The following TSPAN14 variants were observed in gnomAD, a reference collection of about 807,000 sequenced individuals.
TSPAN14 encodes tetraspanin 14, also known as tetraspanin-14.
A neutral mutation model predicts 36.6 loss-of-function variants in TSPAN14; 16 were observed. That is an observed-to-expected ratio of 0.44 (90% CI 0.30 to 0.66). TSPAN14 has a LOEUF of 0.66. Ranked by LOEUF, TSPAN14 falls within the 30% of genes least tolerant of loss-of-function variation. The probability of loss-of-function intolerance (pLI) is 0.12; values close to 1 mark genes in which losing one functional copy is unlikely to be tolerated. For missense variants in TSPAN14, 231 were observed against 355.1 expected, an observed-to-expected ratio of 0.65 and a Z score of 2.81; for synonymous variants, 139 against 143.8, an observed-to-expected ratio of 0.97 and a Z score of 0.24.
chr10:80,467,672 C>T (rs930239211), intron 1 of TSPAN14, among the ~76,000 whole-genome samples: 3 of 152,162 alleles, frequency 2.0e-5, no homozygotes, highest in Non-Finnish European at 2.9e-5. Context: ...CCCCTCTTTT[C>T]CTGGGCATTT....
intron 1 of TSPAN14, chr10:80,468,447 C>T (rs1846358903): frequency 6.6e-6 from 1 of 152,190 alleles, no homozygotes; most frequent in Non-Finnish European, 1.5e-5. Flanking sequence ...AAGCATTCCT[C>T]CAGGGAAGCT....
intron 8 of TSPAN14, 99 bp from the exon 9 acceptor site, chr10:80,517,806 A>T: frequency 8.8e-7 from 1 of 1,138,848 alleles, no homozygotes; most frequent in South Asian, 1.3e-5. Flanking sequence ...GGGGGTGAGG[A>T]GAGGCGTGCA....
exon 9 of TSPAN14, chr10:80,520,878 C>T: frequency 1.9e-6 from 1 of 520,306 alleles, no homozygotes; most frequent in South Asian, 1.4e-5. Context: ...TTCAGAGGCC[C>T]AGGCTCGCCA....
chr10:80,498,954 T>A (rs1379750515), intron 2 of TSPAN14, among the ~76,000 whole-genome samples: 1 of 152,058 alleles, frequency 6.6e-6, no homozygotes, highest in East Asian at 1.9e-4. Flanking sequence ...TCAGGCTGAG[T>A]CAGCGTGTGG....
chr10:80,491,342 C>T (rs943164523), intron 2 of TSPAN14, among the ~76,000 whole-genome samples: 1 of 152,192 alleles, frequency 6.6e-6, no homozygotes, highest in Non-Finnish European at 1.5e-5. Flanking sequence ...GGAGAGCCCT[C>T]TGGCCTTACC....
chr10:80,468,028 C>T (rs1846337078), intron 1 of TSPAN14, among the ~76,000 whole-genome samples: 1 of 152,242 alleles, frequency 6.6e-6, no homozygotes, highest in Non-Finnish European at 1.5e-5. Context: ...CCCCATTCCT[C>T]TTCTTTGGGG....
At chr10:80,485,217 T>TA (rs1317548013) in intron 1 of TSPAN14, among the ~76,000 whole-genome samples, 1 of 151,600 alleles carries the variant, frequency 6.6e-6, no homozygotes, top group African/African-American at 2.4e-5. Context: ...GTGTGTAAGA[T>TA]AAAGAGTGTT....
chr10:80,481,544 G>T (rs1847275361), intron 1 of TSPAN14, among the ~76,000 whole-genome samples: 1 of 152,214 alleles, frequency 6.6e-6, no homozygotes, highest in South Asian at 2.1e-4. Context: ...TTAGTGGAGA[G>T]ATTGGAAAGG....
At chr10:80,487,197 C>T (rs1054316016) in intron 1 of TSPAN14, among the ~76,000 whole-genome samples, 2 of 152,184 alleles carry the variant, frequency 1.3e-5, no homozygotes, top group African/African-American at 4.8e-5. Context: ...CCGTGTGCTG[C>T]ACCACAGCTC....
chr10:80,469,124 G>A (rs1846398928), intron 1 of TSPAN14, among the ~76,000 whole-genome samples: 1 of 151,766 alleles, frequency 6.6e-6, no homozygotes, highest in African/African-American at 2.4e-5. Flanking sequence ...CCAGAGCCCT[G>A]CTGGTGAGGT....
chr10:80,482,129 A>G (rs1011734216), intron 1 of TSPAN14, among the ~76,000 whole-genome samples: 5 of 152,208 alleles, frequency 3.3e-5, no homozygotes, highest in African/African-American at 1.2e-4. Context: ...TCACCTAGAA[A>G]GGGAAAACCT....
At chr10:80,518,556 T>C (rs898098101) in exon 9 of TSPAN14, 2 of 157,120 alleles carry the variant, frequency 1.3e-5, no homozygotes, top group African/African-American at 4.8e-5. Flanking sequence ...TCCTCAGCCA[T>C]GTTCAAGTGA....
chr10:80,473,606 TG>T lies in TSPAN14; in HGVS notation c.-17-15610del, dbSNP rs896218396. ...GGAGGGGATCCAGCCCCCCTGACGT[TG>T]TGCAGCTGTGTAGTGACTTCCCACA... On this transcript the variant is annotated intron_variant, in intron 1 of 8. Transcript: ENST00000429989. Among the ~76,000 whole-genome samples the T allele has an allele frequency of 4.4e-4, 67 of 152,008 alleles. 1 individual carries two copies. The highest frequency in any genetic ancestry group is 2.7e-3 in the Admixed American group (41 of 15,288).
chr10:80,491,260 C>G (rs968608484), intron 2 of TSPAN14, among the ~76,000 whole-genome samples: 1 of 152,164 alleles, frequency 6.6e-6, no homozygotes, highest in Non-Finnish European at 1.5e-5. Flanking sequence ...GCCTCTGGGT[C>G]CCTCTTAATG....
chr10:80,468,988 G>A (rs1299469408), intron 1 of TSPAN14, among the ~76,000 whole-genome samples: 2 of 152,106 alleles, frequency 1.3e-5, no homozygotes, highest in Non-Finnish European at 2.9e-5. Context: ...TAAAGTTGTC[G>A]ACTTTAAACA....
At chr10:80,485,559 T>TG (rs1847540516) in intron 1 of TSPAN14, 1 of 869,184 alleles carries the variant, frequency 1.2e-6, no homozygotes, top group African/African-American at 1.8e-5. Flanking sequence ...TAGGAGGATG[T>TG]GGCTTAGGCT....
At chr10:80,457,138 G>A (rs914242837) in intron 1 of TSPAN14, among the ~76,000 whole-genome samples, 2 of 152,136 alleles carry the variant, frequency 1.3e-5, no homozygotes, top group Non-Finnish European at 2.9e-5. Flanking sequence ...CTGTGGTCCC[G>A]AGAGGTCACA....
intron 1 of TSPAN14, among the ~76,000 whole-genome samples, chr10:80,478,577 A>G (rs1847057824): frequency 1.3e-5 from 2 of 152,226 alleles, no homozygotes; most frequent in African/African-American, 4.8e-5. Context: ...GAAGGGGATG[A>G]TGCTACAAGT....
intron 1 of TSPAN14, among the ~76,000 whole-genome samples, chr10:80,461,242 T>G (rs1845951643): frequency 6.6e-6 from 1 of 152,206 alleles, no homozygotes; most frequent in African/African-American, 2.4e-5. Context: ...GAGGCTGATC[T>G]TGTCTCAACA....
Sources: allele counts gnomAD v4.1 joint callset (sites outside exome capture counted in the v4.1 genomes callset), GRCh38; gene constraint gnomAD v4.1.1; transcripts MANE v1.5; gene names NCBI Gene and HGNC (gene_info 2026-07-23, HGNC 2026-07-21).